Variants in COL4A6 observed in about 807,000 individuals in gnomAD.
COL4A6 encodes the protein collagen alpha-6(IV) chain.
COL4A6 carries 59 observed loss-of-function variants against 126.7 expected under a neutral mutation model. That is an observed-to-expected ratio of 0.47 (90% CI 0.38 to 0.58). The LOEUF (loss-of-function observed/expected upper bound fraction) is 0.58, where lower values mean the gene tolerates loss of function less well. Among genes scored for constraint, COL4A6 ranks in the 20% least tolerant of loss-of-function variants. The probability of loss-of-function intolerance (pLI) is 0.00; values close to 1 mark genes in which losing one functional copy is unlikely to be tolerated. For missense variants in COL4A6, 1,285 were observed against 1,337.3 expected (o/e 0.96, Z 0.61); for synonymous variants, 547 against 496.6 (o/e 1.10, Z -1.35).
At chrX:108,166,499 G>A (rs764121312) in intron 37 of COL4A6, among the ~76,000 whole-genome samples, 19 of 111,996 alleles carry the variant, frequency 1.7e-4, no homozygotes, top group Non-Finnish European at 1.1e-4. Context: ...TGTTAATATC[G>A]AATTTTATCT....
rs1346990608 is a variant in COL4A6, at chrX:108,175,816, T to A, written c.2687-19A>T. The A allele has an allele frequency of 1.7e-6, 2 of 1,172,710 alleles. No homozygotes were observed. The highest frequency in any genetic ancestry group is 5.3e-5 in the Admixed American group (2 of 38,095). ...TTCTCTCCTGTTGAAAAACAAGAAC[T>A]TTTATTATCACTCCCATTTTACATA... On this transcript the variant is annotated intron_variant, in intron 28 of 44. Coordinates refer to ENST00000334504, the MANE Select transcript of COL4A6 (RefSeq NM_033641.4).
At chrX:108,329,017 CA>C (rs766840054) in intron 2 of COL4A6, among the ~76,000 whole-genome samples, 2 of 111,349 alleles carry the variant, frequency 1.8e-5, no homozygotes, top group African/African-American at 3.3e-5. Context: ...AAGTTGATCT[CA>C]CAGAAGTAGA....
At chrX:108,169,400 C>T in intron 37 of COL4A6, 95 bp downstream of exon 37, 1 of 1,105,301 alleles carries the variant, frequency 9.0e-7, no homozygotes, top group Non-Finnish European at 1.2e-6. Flanking sequence ...ACACTCACAG[C>T]CCAACCCTGT....
intron 2 of COL4A6, among the ~76,000 whole-genome samples, chrX:108,391,357 ACTGGG>A (rs1469144998): frequency 3.0e-4 from 34 of 111,762 alleles, no homozygotes; most frequent in Non-Finnish European, 9.4e-5. Context: ...TAAGTCCCTG[ACTGGG>A]GCTGCTGCCT....
At chrX:108,402,636 A>G (rs1423500585) in intron 2 of COL4A6, among the ~76,000 whole-genome samples, 4 of 111,262 alleles carry the variant, frequency 3.6e-5, no homozygotes, top group Non-Finnish European at 7.6e-5. Flanking sequence ...TTTTCCATGT[A>G]TAAATCTCAT....
chrX:108,422,769 G>A (rs1161325633), intron 2 of COL4A6, among the ~76,000 whole-genome samples: 1 of 111,882 alleles, frequency 8.9e-6, no homozygotes, highest in Non-Finnish European at 1.9e-5. Context: ...TACTTTCATG[G>A]TTTCAAGGAC....
At chrX:108,325,135 T>C (rs967732228) in intron 2 of COL4A6, among the ~76,000 whole-genome samples, 2 of 111,722 alleles carry the variant, frequency 1.8e-5, no homozygotes, top group Non-Finnish European at 3.8e-5. Context: ...GAATGGACTT[T>C]AAAAAGCATC....
At chrX:108,174,403 T>A (rs1166498375) in intron 31 of COL4A6, 37 bp downstream of exon 31, 1 of 1,191,192 alleles carries the variant, frequency 8.4e-7, no homozygotes, top group South Asian at 1.8e-5. Flanking sequence ...ATGGGGGGCC[T>A]TTTCTGGTAT....
chrX:108,337,233 G>T, intron 2 of COL4A6, among the ~76,000 whole-genome samples: 1 of 111,174 alleles, frequency 9.0e-6, no homozygotes, highest in East Asian at 2.8e-4. Context: ...TATTCTGAGG[G>T]GGTTCCTGTC....
chrX:108,178,454 C>T (rs1008607641), intron 27 of COL4A6, among the ~76,000 whole-genome samples: 4 of 111,973 alleles, frequency 3.6e-5, no homozygotes, highest in Non-Finnish European at 5.7e-5. Flanking sequence ...ATGGAGGAGG[C>T]GGGGGGAGGG....
chrX:108,170,672 CT>C lies in COL4A6; in HGVS notation c.3429del (p.Gly1144ValfsTer12). The C allele has an allele frequency of 8.3e-7, 1 of 1,205,668 alleles. No homozygotes were observed. Among genetic ancestry groups the C allele is most frequent in the Non-Finnish European group, 1.1e-6 (1 of 893,740 alleles). ...ATTGCCCCTTGGTGACCAGAAGAAC[CT>C]GGAAGTCCTGGTTCTCCTCTCATGC... is the stretch of plus-strand genomic sequence containing the variant. Reference protein sequence around the residue: ...VAGMRGEPGLPGSSGHQGAIG... With the variant: ...VAGMRGEPGLXGSSGHQGAIG... On this transcript the variant is annotated frameshift_variant, in exon 35 of 45. Transcript: ENST00000334504. LOFTEE classifies it high-confidence loss of function.
intron 23 of COL4A6, 120 bp downstream of exon 23, chrX:108,186,976 G>A (rs2034883620): frequency 1.7e-6 from 1 of 579,437 alleles, no homozygotes; most frequent in African/African-American, 2.4e-5. Context: ...TCAGGGGGTT[G>A]AAAGTAGTGA....
intron 2 of COL4A6, among the ~76,000 whole-genome samples, chrX:108,401,154 C>CAT (rs1438078577): frequency 9.0e-6 from 1 of 111,038 alleles, no homozygotes; most frequent in Non-Finnish European, 1.9e-5. Context: ...TTATTAAGTT[C>CAT]ATATATATAT....
chrX:108,176,761 CAG>C (rs2034503409), intron 28 of COL4A6, 78 bp downstream of exon 28: 10 of 1,025,338 alleles, frequency 9.8e-6, no homozygotes, highest in Non-Finnish European at 1.1e-5. Flanking sequence ...CATTCCTAGG[CAG>C]AGAGGAAGGA....
chrX:108,160,698 GACAA>G, intron 42 of COL4A6, 44 bp from the exon 43 acceptor site: 1 of 1,083,036 alleles, frequency 9.2e-7, no homozygotes. Context: ...TGCAGCTAAT[GACAA>G]CATCAGCTAC....
intron 2 of COL4A6, among the ~76,000 whole-genome samples, chrX:108,428,632 G>C (rs2064127033): frequency 9.0e-6 from 1 of 110,607 alleles, no homozygotes; most frequent in South Asian, 3.9e-4. Flanking sequence ...TGTGACACGA[G>C]TTTACCTATG....
chrX:108,249,785 G>A (rs1160370516), intron 3 of COL4A6, among the ~76,000 whole-genome samples: 9 of 111,110 alleles, frequency 8.1e-5, no homozygotes, highest in Non-Finnish European at 1.5e-4. Flanking sequence ...TCTGTCCGAG[G>A]TAAGAGTAAG....
chrX:108,341,634 C>T (rs1273412032), intron 2 of COL4A6, among the ~76,000 whole-genome samples: 1 of 111,033 alleles, frequency 9.0e-6, no homozygotes, highest in Admixed American at 9.6e-5. Flanking sequence ...ATTACTCAGT[C>T]TTGGGTATGC....
chrX:108,291,561 C>A (rs1179384650), intron 3 of COL4A6, among the ~76,000 whole-genome samples: 1 of 108,697 alleles, frequency 9.2e-6, no homozygotes, highest in African/African-American at 3.3e-5. Flanking sequence ...TTTTTTTTTA[C>A]TGTTACAAAT....
Sources: gnomAD v4.1 joint callset for allele counts (sites outside exome capture counted in the v4.1 genomes callset) on GRCh38, gnomAD v4.1.1 for gene constraint, MANE v1.5 for transcripts, NCBI Gene and HGNC (gene_info 2026-07-23, HGNC 2026-07-21) for gene names.